The following PIK3R4 variants were observed in gnomAD, a reference collection of about 807,000 sequenced individuals.
The protein encoded by PIK3R4 is phosphoinositide 3-kinase regulatory subunit 4.
In PIK3R4, 46 loss-of-function variants were observed where a neutral mutation model predicts 136.5. That is an observed-to-expected ratio of 0.34 (90% CI 0.27 to 0.43). The LOEUF (loss-of-function observed/expected upper bound fraction) is 0.43, where lower values mean the gene tolerates loss of function less well. Ranked by LOEUF, PIK3R4 falls within the 20% of genes least tolerant of loss-of-function variation. The pLI is 1.00. For synonymous variants in PIK3R4, 557 were observed against 566.7 expected (o/e 0.98, Z 0.24); for missense variants, 1,331 against 1,649.5 (o/e 0.81, Z 3.35).
intron 3 of PIK3R4, among the ~76,000 whole-genome samples, chr3:130,735,298 A>G (rs1385440294): frequency 6.6e-6 from 1 of 152,146 alleles, no homozygotes; most frequent in African/African-American, 2.4e-5. Context: ...CCTATAACTG[A>G]CTTAGAAAAG....
At chr3:130,697,063 CTTTTTTTT>C (rs60432343) in intron 13 of PIK3R4, among the ~76,000 whole-genome samples, 2 of 73,024 alleles carry the variant, frequency 2.7e-5, no homozygotes, top group African/African-American at 1.3e-4. Context: ...GCCACTCCAG[CTTTTTTTT>C]TTTTTTTTTT....
In PIK3R4 at chr3:130,746,325, C is replaced by T. The variant is rs2066853025; in HGVS notation, c.-54G>A. On this transcript the variant is annotated 5_prime_UTR_variant, in exon 1 of 20. Transcript: ENST00000356763. ...GCACACATAAACATTTACCCTAGGCCTCGGGAAAGTGTCAAAATCGTTCAG... is the reference window on the plus strand; with the variant it reads ...GCACACATAAACATTTACCCTAGGCTTCGGGAAAGTGTCAAAATCGTTCAG... 6.6e-6 allele frequency: 1 copy of T among 152,150 alleles called. No individual in the cohort carries two copies. The highest frequency in any genetic ancestry group is 2.1e-4 in the South Asian group (1 of 4,834). 9.4% of individuals were successfully genotyped at this position (152,150 alleles called of 1,614,324 possible). A position where few individuals can be genotyped will look rare whatever the true frequency, so the allele number is the denominator to read the frequency against.
intron 14 of PIK3R4, among the ~76,000 whole-genome samples, chr3:130,687,947 C>T (rs543418826): frequency 6.6e-6 from 1 of 152,284 alleles, no homozygotes; most frequent in South Asian, 2.1e-4. Flanking sequence ...CCTATGTGTT[C>T]ATTGCTACGG....
intron 2 of PIK3R4, among the ~76,000 whole-genome samples, chr3:130,742,267 T>C (rs1182851561): frequency 1.3e-5 from 2 of 152,200 alleles, no homozygotes; most frequent in Non-Finnish European, 2.9e-5. Context: ...TGTAAGGCTC[T>C]TTGGTCTGGA....
At chr3:130,709,421 T>G (rs1280888263) in intron 9 of PIK3R4, among the ~76,000 whole-genome samples, 3 of 151,960 alleles carry the variant, frequency 2.0e-5, no homozygotes, top group Non-Finnish European at 4.4e-5. Context: ...GAGTTTAGAG[T>G]CATATTCACA....
chr3:130,702,420 A>G (rs963732202), intron 13 of PIK3R4, among the ~76,000 whole-genome samples: 1 of 152,172 alleles, frequency 6.6e-6, no homozygotes, highest in Non-Finnish European at 1.5e-5. Flanking sequence ...GAAAAATACA[A>G]TAATTAAGAA....
chr3:130,702,256 A>C (rs571306807), intron 13 of PIK3R4, among the ~76,000 whole-genome samples: 40 of 152,356 alleles, frequency 2.6e-4, no homozygotes, highest in African/African-American at 9.1e-4. Context: ...TGGCAAGTAC[A>C]TGGATGTTCA....
chr3:130,708,598 A>G lies in PIK3R4; in HGVS notation c.2332-106T>C, dbSNP rs1576456212. 1.1e-5 allele frequency: 11 copies of G among 977,474 alleles called. 1 individual carries two copies. In the South Asian group the frequency reaches 1.7e-4, roughly 15 times the overall value. 60.6% of individuals were successfully genotyped at this position (977,474 alleles called of 1,614,324 possible). A position where few individuals can be genotyped will look rare whatever the true frequency, so the allele number is the denominator to read the frequency against. ...GGACAAATCACCCAATTTAAAACTG[A>G]AAAGAGACAGAAGGGTGAAACAACC... On this transcript the variant is annotated intron_variant, in intron 9 of 19. Transcript: ENST00000356763.
intron 9 of PIK3R4, among the ~76,000 whole-genome samples, chr3:130,710,359 T>A (rs924433125): frequency 6.6e-6 from 1 of 152,086 alleles, no homozygotes; most frequent in African/African-American, 2.4e-5. Context: ...ATAATCTCGA[T>A]AAAAGACATT....
intron 8 of PIK3R4, among the ~76,000 whole-genome samples, chr3:130,717,977 C>A (rs561708755): frequency 1.3e-5 from 2 of 152,256 alleles, no homozygotes; most frequent in South Asian, 4.1e-4. Flanking sequence ...ATCAAAACAA[C>A]CAGTTAGCGG....
chr3:130,734,974 C>A (rs2066778313), intron 3 of PIK3R4, among the ~76,000 whole-genome samples: 1 of 151,942 alleles, frequency 6.6e-6, no homozygotes, highest in Non-Finnish European at 1.5e-5. Context: ...TGGACTAGGC[C>A]CTAAAAATTA....
intron 9 of PIK3R4, among the ~76,000 whole-genome samples, chr3:130,713,431 TA>T (rs1211652143): frequency 1.3e-5 from 2 of 152,200 alleles, no homozygotes; most frequent in African/African-American, 4.8e-5. Context: ...TAGTGATTTT[TA>T]TCATGGCACC....
chr3:130,743,417 AAAT>A (rs1028678639), intron 2 of PIK3R4, among the ~76,000 whole-genome samples: 4 of 152,144 alleles, frequency 2.6e-5, no homozygotes, highest in South Asian at 2.1e-4. Flanking sequence ...TACCTCTAAA[AAAT>A]AATAATAAAT....
chr3:130,717,740 A>C (rs1212469861), intron 8 of PIK3R4, among the ~76,000 whole-genome samples: 1 of 152,198 alleles, frequency 6.6e-6, no homozygotes, highest in Non-Finnish European at 1.5e-5. Flanking sequence ...GTTCTGGTAA[A>C]AATAGGAACT....
intron 7 of PIK3R4, among the ~76,000 whole-genome samples, chr3:130,718,873 C>G (rs765328241): frequency 2.6e-5 from 4 of 152,110 alleles, no homozygotes; most frequent in Non-Finnish European, 4.4e-5. Flanking sequence ...AGAGACATAA[C>G]AAGTCCCAAC....
intron 6 of PIK3R4, among the ~76,000 whole-genome samples, chr3:130,726,913 A>C (rs1033824180): frequency 4.6e-5 from 7 of 152,154 alleles, no homozygotes; most frequent in African/African-American, 7.2e-5. Flanking sequence ...TGTAAGAATC[A>C]AAGAATACTG....
chr3:130,723,424 G>T lies in PIK3R4; in HGVS notation c.1971C>A (p.Ala657=). ...GAAACAGAAACTTACCAATATCACTGGCAAATTCGTAAACATGGGGTTTTT... is the reference window on the plus strand; with the variant it reads ...GAAACAGAAACTTACCAATATCACTTGCAAATTCGTAAACATGGGGTTTTT... ...LLQKPHVYEF[A]SDIAPFLCHP... Residue 657 remains alanine (A), a synonymous_variant, in exon 7 of 20, where the codon GCC becomes GCA. Coordinates refer to ENST00000356763, the MANE Select transcript of PIK3R4 (RefSeq NM_014602.3). 1.9e-6 allele frequency: 3 copies of T among 1,599,624 alleles called. No homozygotes were observed. In the South Asian group the frequency reaches 3.4e-5, roughly 18 times the overall value.
intron 9 of PIK3R4, among the ~76,000 whole-genome samples, chr3:130,714,748 T>A (rs2066653114): frequency 6.6e-6 from 1 of 152,146 alleles, no homozygotes; most frequent in South Asian, 2.1e-4. Flanking sequence ...GGCTTCCAGT[T>A]TCATCCATGT....
At chr3:130,741,702 A>G (rs2066824760) in intron 2 of PIK3R4, among the ~76,000 whole-genome samples, 1 of 152,096 alleles carries the variant, frequency 6.6e-6, no homozygotes. Context: ...AACCAAAATT[A>G]ACTTTCTTAT....
Sources: allele counts gnomAD v4.1 joint callset (sites outside exome capture counted in the v4.1 genomes callset), GRCh38; gene constraint gnomAD v4.1.1; transcripts MANE v1.5; gene names NCBI Gene and HGNC (gene_info 2026-07-23, HGNC 2026-07-21).